ME1: variants seen among roughly 807,000 people sequenced by gnomAD.
ME1 encodes the protein malic enzyme 1.
ME1 carries 74 observed loss-of-function variants against 66.4 expected under a neutral mutation model. The ratio of observed to expected loss-of-function variants is 1.11; its 90% CI spans 0.92 to 1.35. The LOEUF (loss-of-function observed/expected upper bound fraction) is 1.35, where lower values mean the gene tolerates loss of function less well. ME1 is among the 40% of genes most tolerant of loss of function. The probability of loss-of-function intolerance (pLI) is 0.00; values close to 1 mark genes in which losing one functional copy is unlikely to be tolerated. For synonymous variants in ME1, 251 were observed against 235.6 expected (o/e 1.07, Z -0.60); for missense variants, 750 against 694.1 (o/e 1.08, Z -0.90).
chr6:83,294,509 C>A (rs1421948762), intron 6 of ME1, among the ~76,000 whole-genome samples: 2 of 152,128 alleles, frequency 1.3e-5, no homozygotes, highest in East Asian at 3.9e-4. Context: ...ACAAGCAGAG[C>A]CCCCTGCTCA....
intron 6 of ME1, among the ~76,000 whole-genome samples, chr6:83,282,142 C>A (rs1170501): frequency 0.35 from 53,451 of 151,752 alleles, 9,621 homozygotes; most frequent in Middle Eastern, 0.49. Flanking sequence ...TAAATGTAAA[C>A]CTTAAAACCA....
intron 7 of ME1, among the ~76,000 whole-genome samples, chr6:83,240,321 A>G (rs1790488879): frequency 6.6e-6 from 1 of 152,096 alleles, no homozygotes; most frequent in African/African-American, 2.4e-5. Context: ...ATCTAATTAT[A>G]TTGTATCATT....
At chr6:83,253,112 G>A (rs908445378) in intron 7 of ME1, among the ~76,000 whole-genome samples, 1 of 152,054 alleles carries the variant, frequency 6.6e-6, no homozygotes, top group African/African-American at 2.4e-5. Context: ...ATGTGTATTG[G>A]GGGGTGGGCT....
chr6:83,293,266 G>A (rs1767536926), intron 6 of ME1, among the ~76,000 whole-genome samples: 1 of 152,128 alleles, frequency 6.6e-6, no homozygotes, highest in Non-Finnish European at 1.5e-5. Context: ...TTCCTATTCG[G>A]CCATCTTGGA....
intron 3 of ME1, among the ~76,000 whole-genome samples, chr6:83,389,971 A>G (rs1769588440): frequency 6.6e-6 from 1 of 152,148 alleles, no homozygotes; most frequent in Non-Finnish European, 1.5e-5. Context: ...ATGATTATCT[A>G]TGACATCTGA....
chr6:83,361,961 G>A (rs1031585588), intron 3 of ME1, among the ~76,000 whole-genome samples: 3 of 152,182 alleles, frequency 2.0e-5, no homozygotes, highest in African/African-American at 4.8e-5. Context: ...AGCCTGCACC[G>A]ATGGCCTCAT....
intron 6 of ME1, among the ~76,000 whole-genome samples, chr6:83,281,970 A>C (rs1767304484): frequency 6.6e-6 from 1 of 151,620 alleles, no homozygotes; most frequent in Non-Finnish European, 1.5e-5. Flanking sequence ...AACTTAAAAA[A>C]AAAAAATCAA....
chr6:83,400,296 G>T (rs1003745979), intron 2 of ME1, among the ~76,000 whole-genome samples: 6 of 152,182 alleles, frequency 3.9e-5, no homozygotes, highest in Non-Finnish European at 5.9e-5. Flanking sequence ...TGTGAGATTT[G>T]GTTGGCACTT....
In ME1 at chr6:83,357,019, C is replaced by T. The variant is rs143768220; in HGVS notation, c.363-4880G>A. Among the ~76,000 whole-genome samples, 1,163 of 152,224 alleles carry T rather than the reference C, an allele frequency of 7.6e-3. 17 individuals are homozygous for T. Among genetic ancestry groups the T allele is most frequent in the African/African-American group, 0.026 (1,070 of 41,530 alleles). ...GTCAATCTCATTTCCTCAGTCTTTC[C>T]TTGACTTTCAAGACATTGATACTTA... On this transcript the variant is annotated intron_variant, in intron 3 of 13. Transcript: ENST00000369705.
chr6:83,326,539 G>GC (rs1554268446), intron 5 of ME1, among the ~76,000 whole-genome samples: 1 of 152,012 alleles, frequency 6.6e-6, no homozygotes, highest in Non-Finnish European at 1.5e-5. Flanking sequence ...AAATTTACAA[G>GC]AAAAAACCAA....
intron 5 of ME1, among the ~76,000 whole-genome samples, chr6:83,325,570 A>C (rs1271445356): frequency 6.6e-6 from 1 of 152,184 alleles, no homozygotes; most frequent in Non-Finnish European, 1.5e-5. Flanking sequence ...ATATACCAAT[A>C]ATAAGCAAAT....
chr6:83,315,254 A>G, intron 6 of ME1, 56 bp downstream of exon 6: 1 of 1,047,344 alleles, frequency 9.5e-7, no homozygotes, highest in South Asian at 1.4e-5. Context: ...GGATTTTTTA[A>G]TAGTCTGTTA....
chr6:83,389,990 C>T (rs1353830490), intron 3 of ME1, among the ~76,000 whole-genome samples: 2 of 152,046 alleles, frequency 1.3e-5, no homozygotes, highest in African/African-American at 4.8e-5. Context: ...GAAAAACCCA[C>T]ATAAAGTATC....
chr6:83,375,565 C>T (rs1406774604), intron 3 of ME1, among the ~76,000 whole-genome samples: 1 of 152,154 alleles, frequency 6.6e-6, no homozygotes, highest in East Asian at 1.9e-4. Context: ...TTCCTCTCTT[C>T]TTATCTGAAT....
chr6:83,359,372 A>T (rs974182055), intron 3 of ME1, among the ~76,000 whole-genome samples: 43 of 152,206 alleles, frequency 2.8e-4, no homozygotes, highest in Middle Eastern at 3.4e-3. Flanking sequence ...GAACTGCTTG[A>T]GTTTTCCCAT....
At chr6:83,428,569 A>C (rs910159500) in intron 1 of ME1, among the ~76,000 whole-genome samples, 1 of 152,186 alleles carries the variant, frequency 6.6e-6, no homozygotes, top group African/African-American at 2.4e-5. Flanking sequence ...GGTTATTACA[A>C]AATAATAAGA....
chr6:83,333,114 G>A (rs1400034053), intron 5 of ME1, among the ~76,000 whole-genome samples: 1 of 152,094 alleles, frequency 6.6e-6, no homozygotes, highest in African/African-American at 2.4e-5. Context: ...TCCAGTACAT[G>A]TAGGTATGAT....
rs143834099 is a variant in ME1, at chr6:83,420,395, C to G, written c.78+10482G>C. 1.1e-3 allele frequency among the ~76,000 whole-genome samples: 174 copies of G among 152,272 alleles called. 1 individual carries two copies. The highest frequency in any genetic ancestry group is 4.1e-3 in the African/African-American group (169 of 41,544). On this transcript the variant is annotated intron_variant, in intron 1 of 13. Coordinates refer to ENST00000369705, the MANE Select transcript of ME1 (RefSeq NM_002395.6). ...TAGGTGGTATCTTTAGACCTACATA[C>G]TCAGTTAGGACCATGAAGTGATCCT...
intron 3 of ME1, among the ~76,000 whole-genome samples, chr6:83,382,117 C>T (rs868138777): frequency 5.9e-5 from 9 of 152,160 alleles, no homozygotes; most frequent in Middle Eastern, 6.8e-3. Context: ...AGGCACTTCC[C>T]TAACTATACT....
Sources: gnomAD v4.1 joint callset for allele counts (sites outside exome capture counted in the v4.1 genomes callset) on GRCh38, gnomAD v4.1.1 for gene constraint, MANE v1.5 for transcripts, NCBI Gene and HGNC (gene_info 2026-07-23, HGNC 2026-07-21) for gene names.